The following NEDD9 variants were observed in gnomAD, a reference collection of about 807,000 sequenced individuals.
The protein encoded by NEDD9 is enhancer of filamentation 1.
Under a neutral mutation model 76.6 loss-of-function variants are expected in NEDD9, and 26 were observed. That is an observed-to-expected ratio of 0.34 (90% CI 0.25 to 0.47). NEDD9 has a LOEUF of 0.47. Among genes scored for constraint, NEDD9 ranks in the 20% least tolerant of loss-of-function variants. The probability of loss-of-function intolerance (pLI) is 1.00; values close to 1 mark genes in which losing one functional copy is unlikely to be tolerated. For missense variants in NEDD9, 937 were observed against 1,058.5 expected (o/e 0.89, Z 1.59); for synonymous variants, 392 against 414.2 (o/e 0.95, Z 0.65).
At chr6:11,350,394 T>C (rs953195649) in intron 1 of NEDD9, among the ~76,000 whole-genome samples, 1 of 152,214 alleles carries the variant, frequency 6.6e-6, no homozygotes, top group Non-Finnish European at 1.5e-5. Flanking sequence ...CAGGCCACCA[T>C]CACCATTACA....
chr6:11,316,609 T>C (rs763112387), intron 2 of NEDD9, among the ~76,000 whole-genome samples: 51 of 152,214 alleles, frequency 3.4e-4, no homozygotes, highest in Non-Finnish European at 6.5e-4. Context: ...CTCGATCACA[T>C]TTTCTTGCAT....
rs547685288 is a variant in NEDD9 at position 11,313,275 on chromosome 6, A to C, written c.-152-7120T>G. Reference sequence around the variant, plus strand: ...GGTGGGTGGATGGATGGATGGATGAATAGAAAATTGGGTGGATTGTTGAAT... The same window carrying C: ...GGTGGGTGGATGGATGGATGGATGACTAGAAAATTGGGTGGATTGTTGAAT... On this transcript the variant is annotated intron_variant, in intron 2 of 3. Transcript: ENST00000397378. Among the ~76,000 whole-genome samples, 14 of 151,460 alleles carry C rather than the reference A, an allele frequency of 9.2e-5. 1 individual carries two copies. Among genetic ancestry groups the C allele is most frequent in the African/African-American group, 3.2e-4 (13 of 41,260 alleles).
chr6:11,188,186 T>A, intron 6 of NEDD9, 32 bp downstream of exon 6: 1 of 1,540,856 alleles, frequency 6.5e-7, no homozygotes, highest in African/African-American at 1.4e-5. Context: ...ATCTTTCCAA[T>A]GCCAAGCAGT....
intron 2 of NEDD9, among the ~76,000 whole-genome samples, chr6:11,209,341 G>T (rs961312705): frequency 6.6e-6 from 1 of 152,192 alleles, no homozygotes; most frequent in African/African-American, 2.4e-5. Context: ...AAAGACCAAT[G>T]AAATTAAGTA....
chr6:11,306,590 T>G (rs1394379449), intron 2 of NEDD9, among the ~76,000 whole-genome samples: 1 of 152,108 alleles, frequency 6.6e-6, no homozygotes, highest in Non-Finnish European at 1.5e-5. Flanking sequence ...ACAGTTTTAG[T>G]CTTGTCATTG....
In NEDD9 at chr6:11,198,778, G is replaced by A. The variant is rs1286229552; in HGVS notation, c.460-5086C>T. 6.6e-6 allele frequency: 1 copy of A among 152,326 alleles called. No individual in the cohort carries two copies. Among genetic ancestry groups the A allele is most frequent in the African/African-American group, 2.4e-5 (1 of 41,474 alleles). The allele number at this position is 152,326 out of a possible 1,614,324, so 9.4% of individuals were successfully genotyped here. Reference sequence around the variant, plus strand: ...AGGAAAACTGAAGGCTATTAAGCAAGATGGCGTGAGGTCTGCCACTACAGA... The same window carrying A: ...AGGAAAACTGAAGGCTATTAAGCAAAATGGCGTGAGGTCTGCCACTACAGA... On this transcript the variant is annotated intron_variant, in intron 2 of 6. Coordinates refer to ENST00000379446, the MANE Select transcript of NEDD9 (RefSeq NM_006403.4). This position sits in a 1 kb window ranked among gnomAD's most constrained non-coding sequence, Gnocchi z 4.7.
intron 3 of NEDD9, among the ~76,000 whole-genome samples, chr6:11,243,537 C>T (rs2113294092): frequency 6.6e-6 from 1 of 152,326 alleles, no homozygotes; most frequent in African/African-American, 2.4e-5. Flanking sequence ...CTCCATTGTC[C>T]AAGCCGGGGA....
chr6:11,285,744 A>G (rs534160627), intron 3 of NEDD9, among the ~76,000 whole-genome samples: 1 of 152,336 alleles, frequency 6.6e-6, no homozygotes, highest in South Asian at 2.1e-4. Flanking sequence ...AAAGGTGCAA[A>G]GAAACTTTAG....
intron 2 of NEDD9, among the ~76,000 whole-genome samples, chr6:11,311,563 C>T (rs1761367229): frequency 6.6e-6 from 1 of 152,170 alleles, no homozygotes; most frequent in Non-Finnish European, 1.5e-5. Flanking sequence ...TAGTTTGTTT[C>T]CCTCTCTAAG....
chr6:11,333,057 A>AG, intron 2 of NEDD9, among the ~76,000 whole-genome samples: 1 of 10,826 alleles, frequency 9.2e-5, no homozygotes, highest in South Asian at 4.4e-3. Flanking sequence ...GAAGGAAGGA[A>AG]GGAAGGGAGG....
At chr6:11,319,945 T>C (rs983463683) in intron 2 of NEDD9, among the ~76,000 whole-genome samples, 52 of 150,974 alleles carry the variant, frequency 3.4e-4, no homozygotes, top group Non-Finnish European at 6.7e-4. Flanking sequence ...CCTTTACCTG[T>C]TGTGAGGATT....
At chr6:11,239,088 G>C (rs1254601744) in intron 3 of NEDD9, among the ~76,000 whole-genome samples, 1 of 152,070 alleles carries the variant, frequency 6.6e-6, no homozygotes, top group East Asian at 1.9e-4. Context: ...GATCACTTGA[G>C]CCCAGGAGGT....
rs745577867 is a variant in NEDD9 at position 11,190,447 on chromosome 6, G to A, written c.1422C>T (p.Ala474=). The A allele has an allele frequency of 8.7e-6, 14 of 1,614,208 alleles. No homozygotes were observed. The East Asian group carries it at 3.1e-4, about 36-fold the overall frequency. The part of the protein sequence containing the change: ...HFVKGAVANA[A]CLPELILHNK... ...TGTGGAGGATGAGTTCCGGGAGGCA[G>A]GCAGCATTTGCAACAGCTCCCTTGA... The change falls in exon 5 of 7, where the codon GCC becomes GCT. Residue 474 remains alanine, a synonymous_variant. Transcript: ENST00000379446. This position sits in a 1 kb window ranked among gnomAD's most constrained non-coding sequence, Gnocchi z 5.8.
intron 1 of NEDD9, among the ~76,000 whole-genome samples, chr6:11,218,407 T>G (rs1159593001): frequency 1.3e-5 from 2 of 151,876 alleles, no homozygotes; most frequent in Non-Finnish European, 2.9e-5. Flanking sequence ...CTGCATTAAA[T>G]TCCTTCCTCC....
intron 3 of NEDD9, among the ~76,000 whole-genome samples, chr6:11,302,668 C>T (rs1162337717): frequency 7.9e-5 from 12 of 152,134 alleles, no homozygotes; most frequent in African/African-American, 2.2e-4. Flanking sequence ...TTATCCACCA[C>T]GATCACATTG....
At chr6:11,349,649 C>G (rs554867833) in intron 1 of NEDD9, among the ~76,000 whole-genome samples, 52 of 152,300 alleles carry the variant, frequency 3.4e-4, no homozygotes, top group African/African-American at 1.2e-3. Context: ...AAGCCATTAT[C>G]CTCAGCATAC....
intron 1 of NEDD9, among the ~76,000 whole-genome samples, chr6:11,338,821 C>T (rs1375411103): frequency 3.3e-5 from 5 of 151,114 alleles, no homozygotes. Flanking sequence ...ACTTGGGAGG[C>T]TGAGGCAGGA....
intron 3 of NEDD9, among the ~76,000 whole-genome samples, chr6:11,192,966 A>C (rs1758197536): frequency 7.8e-6 from 1 of 127,868 alleles, no homozygotes; most frequent in Non-Finnish European, 1.6e-5. Flanking sequence ...AAAAGATCTT[A>C]TGTGAAATAT....
At chr6:11,313,941 C>T (rs1257038602) in intron 2 of NEDD9, among the ~76,000 whole-genome samples, 1 of 152,136 alleles carries the variant, frequency 6.6e-6, no homozygotes, top group Non-Finnish European at 1.5e-5. Context: ...GGAGGTTTTA[C>T]AAGTTAAAAC....
Sources: gnomAD v4.1 joint callset for allele counts (sites outside exome capture counted in the v4.1 genomes callset) on GRCh38, gnomAD v4.1.1 for gene constraint, Gnocchi (gnomAD v3.1) non-coding constraint, MANE v1.5 for transcripts, NCBI Gene and HGNC (gene_info 2026-07-23, HGNC 2026-07-21) for gene names.